The following MYH15 variants were observed in gnomAD, a reference collection of about 807,000 sequenced individuals.
MYH15 encodes the protein myosin-15.
Under a neutral mutation model 240.5 loss-of-function variants are expected in MYH15, and 227 were observed. The observed-to-expected ratio is 0.94, with a 90% CI of 0.85 to 1.05. The LOEUF is 1.05. MYH15 is among the 50% of genes least tolerant of loss of function. MYH15 has a pLI of 0.00. For synonymous variants in MYH15, 785 were observed against 796.7 expected, an observed-to-expected ratio of 0.99 and a Z score of 0.25; for missense variants, 2,217 against 2,247.5, an observed-to-expected ratio of 0.99 and a Z score of 0.27.
At chr3:108,422,727 T>C (rs1394908614) in intron 27 of MYH15, among the ~76,000 whole-genome samples, 1 of 152,154 alleles carries the variant, frequency 6.6e-6, no homozygotes, top group African/African-American at 2.4e-5. Context: ...ATTACACCAA[T>C]GAAATTTTGA....
intron 35 of MYH15, among the ~76,000 whole-genome samples, chr3:108,396,145 G>C (rs1267508627): frequency 6.6e-6 from 1 of 152,140 alleles, no homozygotes; most frequent in Admixed American, 6.5e-5. Flanking sequence ...TCCTCTCTAT[G>C]AATGCTTTTT....
At chr3:108,427,635 C>CACAGAGAGAGAGAG (rs570359637) in intron 27 of MYH15, among the ~76,000 whole-genome samples, 290 of 146,734 alleles carry the variant, frequency 2.0e-3, no homozygotes, top group Non-Finnish European at 3.0e-3. Context: ...CACACACACA[C>CACAGAGAGAGAGAG]AGAGAGAGAG....
At chr3:108,532,652 C>T (rs1447258665), upstream of MYH15, among the ~76,000 whole-genome samples, 6 of 152,142 alleles carry the variant, frequency 3.9e-5, no homozygotes, top group Non-Finnish European at 8.8e-5. Flanking sequence ...ATACAACACA[C>T]CCTATTGGTT....
At chr3:108,382,138 A>C (rs1467724422) in intron 40 of MYH15, among the ~76,000 whole-genome samples, 2 of 152,112 alleles carry the variant, frequency 1.3e-5, no homozygotes, top group Non-Finnish European at 2.9e-5. Context: ...AGCACATGGG[A>C]AGCACCTCCC....
chr3:108,510,006 G>T (rs1287793999), intron 1 of MYH15, among the ~76,000 whole-genome samples: 1 of 152,152 alleles, frequency 6.6e-6, no homozygotes, highest in Non-Finnish European at 1.5e-5. Context: ...TTCAAAGTCT[G>T]CAGCCTTACC....
chr3:108,523,151 A>G (rs1183382140), intron 1 of MYH15, among the ~76,000 whole-genome samples: 1 of 152,102 alleles, frequency 6.6e-6, no homozygotes, highest in Non-Finnish European at 1.5e-5. Context: ...TGAATTATAA[A>G]ACAGTATTTA....
upstream of MYH15, among the ~76,000 whole-genome samples, chr3:108,512,247 C>A (rs1349404889): frequency 6.6e-6 from 1 of 152,016 alleles, no homozygotes; most frequent in African/African-American, 2.4e-5. Context: ...TAGAAGAACT[C>A]AAGGTAAAGG....
chr3:108,514,094 A>G (rs1367825519), upstream of MYH15, among the ~76,000 whole-genome samples: 5 of 152,322 alleles, frequency 3.3e-5, no homozygotes, highest in Middle Eastern at 3.4e-3. Context: ...TAGCCAAGAA[A>G]GAATCATGTT....
At chr3:108,538,219 T>C in the MYH15 span, among the ~76,000 whole-genome samples, 1 of 152,188 alleles carries the variant, frequency 6.6e-6, no homozygotes, top group Non-Finnish European at 1.5e-5. Flanking sequence ...TGGCTTAATA[T>C]CAGAAGCTCC....
intron 28 of MYH15, among the ~76,000 whole-genome samples, chr3:108,419,547 T>C (rs1189910904): frequency 2.0e-5 from 3 of 152,212 alleles, no homozygotes; most frequent in African/African-American, 4.8e-5. Flanking sequence ...TTCTCCAGCT[T>C]TGTGTCTGGA....
intron 28 of MYH15, among the ~76,000 whole-genome samples, chr3:108,420,581 C>T (rs2399233): frequency 0.92 from 139,337 of 152,122 alleles, 63,882 homozygotes; most frequent in East Asian, 1. Flanking sequence ...TAGAGGTCGA[C>T]GTGGCCAACG....
Position 108,456,794 on chromosome 3 carries a change from GGTTT to G in MYH15, c.2106_2109del (p.Asn703AspfsTer14). The stretch of plus-strand genomic sequence containing the variant: ...TGTTTAAAATCAGCATACTGCAGTC[GGTTT>G]GGAAAACCTTCACGGCATATCCTAG... On this transcript the variant is annotated frameshift_variant, in exon 19 of 41. Coordinates refer to ENST00000693548, the MANE Select transcript of MYH15 (RefSeq NM_014981.3). LOFTEE classifies it high-confidence loss of function. 1 of 1,612,972 alleles carries G rather than the reference GGTTT, an allele frequency of 6.2e-7. No homozygotes were observed. Among genetic ancestry groups the G allele is most frequent in the South Asian group, 1.1e-5 (1 of 91,036 alleles).
In MYH15 at chr3:108,391,815, G is replaced by C. The variant is rs774608324; in HGVS notation, c.5375C>G (p.Ala1792Gly). Residue 1792 changes from alanine (A) to glycine (G), a missense_variant, in exon 37 of 41, where the codon GCT becomes GGT. Ala to Gly is a moderately conservative substitution (Grantham distance 60). Transcript: ENST00000693548. ...ACTCCCCATCAGGGCCATCTGTTCAGCTTCAGCCAGCCTTTTCTGTAAGTC... is the reference window on the plus strand; with the variant it reads ...ACTCCCCATCAGGGCCATCTGTTCACCTTCAGCCAGCCTTTTCTGTAAGTC... ...ITDLQKRLAE[A>G]EQMALMGSRK... 4.0e-5 allele frequency: 64 copies of C among 1,613,916 alleles called. No individual in the cohort carries two copies. The East Asian group carries it at 1.3e-3, about 33-fold the overall frequency.
chr3:108,532,372 C>A (rs1223260946), upstream of MYH15, among the ~76,000 whole-genome samples: 3 of 152,102 alleles, frequency 2.0e-5, no homozygotes, highest in East Asian at 5.8e-4. Context: ...AGAAGGAACT[C>A]CTCCTGTTTG....
At chr3:108,443,310 A>T (rs1291690338) in intron 22 of MYH15, among the ~76,000 whole-genome samples, 1 of 152,222 alleles carries the variant, frequency 6.6e-6, no homozygotes, top group Non-Finnish European at 1.5e-5. Context: ...CATAAAATAC[A>T]GCCTGTTGGC....
intron 1 of MYH15, among the ~76,000 whole-genome samples, chr3:108,521,474 T>C (rs1046152050): frequency 6.6e-6 from 1 of 152,106 alleles, no homozygotes; most frequent in Non-Finnish European, 1.5e-5. Context: ...GGGTCAGTTC[T>C]GCATAACTAT....
Position 108,486,461 on chromosome 3 carries a change from C to G in MYH15, c.937G>C (p.Glu313Gln), listed in dbSNP as rs367787967. The G allele has an allele frequency of 2.5e-6, 4 of 1,611,888 alleles. No individual in the cohort carries two copies. The East Asian group carries it at 8.9e-5, about 36-fold the overall frequency. ...AATTCTTCAGCATCATCCAAGCTCTCCACAGTAACTGCTCCACAGGAGCAA... is the reference window on the plus strand; with the variant it reads ...AATTCTTCAGCATCATCCAAGCTCTGCACAGTAACTGCTCCACAGGAGCAA... Reference protein sequence around the residue: ...HFCSCGAVTVESLDDAEELLA... With the variant: ...HFCSCGAVTVQSLDDAEELLA... The change falls in exon 10 of 41, where the codon GAG becomes CAG. Residue 313 changes from glutamate (E) to glutamine (Q), a missense_variant. Coordinates refer to ENST00000693548, the MANE Select transcript of MYH15 (RefSeq NM_014981.3).
At chr3:108,411,148 TC>T (rs1158423697) in intron 30 of MYH15, among the ~76,000 whole-genome samples, 1 of 152,146 alleles carries the variant, frequency 6.6e-6, no homozygotes, top group Non-Finnish European at 1.5e-5. Flanking sequence ...GTCTTTATTT[TC>T]CCCCTTTGCC....
chr3:108,526,772 A>C (rs1051792727), intron 1 of MYH15, among the ~76,000 whole-genome samples: 2 of 152,152 alleles, frequency 1.3e-5, no homozygotes, highest in Non-Finnish European at 2.9e-5. Context: ...CATCTGATCG[A>C]TGTTGCAAGC....
Sources: allele counts gnomAD v4.1 joint callset (sites outside exome capture counted in the v4.1 genomes callset), GRCh38; gene constraint gnomAD v4.1.1; transcripts MANE v1.5; gene names NCBI Gene and HGNC (gene_info 2026-07-23, HGNC 2026-07-21).